The following RALGPS1 variants were observed in gnomAD, a reference collection of about 807,000 sequenced individuals.
The protein encoded by RALGPS1 is ras-specific guanine nucleotide-releasing factor RalGPS1.
Under a neutral mutation model 78.8 loss-of-function variants are expected in RALGPS1, and 19 were observed. The observed-to-expected ratio is 0.24, with a 90% CI of 0.17 to 0.35. The LOEUF (loss-of-function observed/expected upper bound fraction) is 0.35. Among genes scored for constraint, RALGPS1 ranks in the 10% least tolerant of loss-of-function variants. The probability of loss-of-function intolerance (pLI) is 1.00; values close to 1 mark genes in which losing one functional copy is unlikely to be tolerated. For synonymous variants in RALGPS1, 228 were observed against 256.3 expected (o/e 0.89, Z 1.06); for missense variants, 454 against 688.3 (o/e 0.66, Z 3.81).
chr9:126,997,366 A>G (rs1467770769), intron 4 of RALGPS1, among the ~76,000 whole-genome samples: 1 of 152,214 alleles, frequency 6.6e-6, no homozygotes, highest in South Asian at 2.1e-4. Flanking sequence ...AATCACAAGC[A>G]TTCTTACACA....
chr9:127,201,025 A>G (rs560645900), intron 14 of RALGPS1, among the ~76,000 whole-genome samples: 1 of 152,322 alleles, frequency 6.6e-6, no homozygotes, highest in South Asian at 2.1e-4. Flanking sequence ...GGTGTAGCAG[A>G]TATAGTTCCT....
At chr9:127,146,227 C>G (rs1434453483) in intron 8 of RALGPS1, among the ~76,000 whole-genome samples, 1 of 152,166 alleles carries the variant, frequency 6.6e-6, no homozygotes, top group Non-Finnish European at 1.5e-5. Flanking sequence ...CCCCTCCTCC[C>G]TCCTGCCTCT....
intron 14 of RALGPS1, among the ~76,000 whole-genome samples, chr9:127,201,279 C>A (rs111854666): frequency 7.9e-5 from 12 of 152,352 alleles, no homozygotes; most frequent in Admixed American, 7.2e-4. Flanking sequence ...TTGAAACATC[C>A]CTGCAGGGAG....
intron 8 of RALGPS1, among the ~76,000 whole-genome samples, chr9:127,133,375 G>C (rs1432344007): frequency 6.6e-6 from 1 of 152,270 alleles, no homozygotes; most frequent in Admixed American, 6.5e-5. Flanking sequence ...CCTTGGAAGC[G>C]CAGCTCAGTC....
chr9:127,182,430 CT>C (rs2060326128), intron 11 of RALGPS1, among the ~76,000 whole-genome samples: 1 of 129,792 alleles, frequency 7.7e-6, no homozygotes, highest in African/African-American at 3.1e-5. Context: ...CCCTTCCTTC[CT>C]TCCTTTTTTT....
chr9:126,961,623 C>T (rs191526377), intron 1 of RALGPS1, among the ~76,000 whole-genome samples: 59 of 152,232 alleles, frequency 3.9e-4, no homozygotes, highest in Non-Finnish European at 6.5e-4. Flanking sequence ...GGCAACATAG[C>T]AAGACCCCAC....
intron 8 of RALGPS1, among the ~76,000 whole-genome samples, chr9:127,142,038 G>C (rs1038640460): frequency 6.6e-6 from 1 of 152,170 alleles, no homozygotes; most frequent in Non-Finnish European, 1.5e-5. Context: ...TAGGTCTGTT[G>C]ATAATGACAG....
At chr9:127,043,281 T>TG (rs2047472882) in intron 5 of RALGPS1, among the ~76,000 whole-genome samples, 1 of 152,184 alleles carries the variant, frequency 6.6e-6, no homozygotes, top group Non-Finnish European at 1.5e-5. Flanking sequence ...CATAGGTCGA[T>TG]GGAGCTGATA....
intron 4 of RALGPS1, among the ~76,000 whole-genome samples, chr9:126,980,208 A>ACCCCAG (rs2132763191): frequency 6.6e-6 from 1 of 152,328 alleles, no homozygotes; most frequent in Admixed American, 6.5e-5. Context: ...GATGCCTGCC[A>ACCCCAG]TGTTGTGGCT....
chr9:127,123,129 G>C (rs1442581504), intron 8 of RALGPS1, among the ~76,000 whole-genome samples: 1 of 152,232 alleles, frequency 6.6e-6, no homozygotes, highest in African/African-American at 2.4e-5. Flanking sequence ...GCTCAGCCCA[G>C]AGCGCCTCTC....
chr9:127,169,569 G>A (rs1588298609), intron 10 of RALGPS1, among the ~76,000 whole-genome samples: 1 of 151,994 alleles, frequency 6.6e-6, no homozygotes, highest in African/African-American at 2.4e-5. Flanking sequence ...ATATGACCTG[G>A]TATTAAGGCA....
At chr9:127,174,566 C>T (rs1290216301) in intron 10 of RALGPS1, 149 bp from the exon 11 acceptor site, 5 of 717,340 alleles carry the variant, frequency 7.0e-6, no homozygotes, top group African/African-American at 3.5e-5. Flanking sequence ...TGGAAACCCC[C>T]GGAGACCTCA....
intron 14 of RALGPS1, among the ~76,000 whole-genome samples, chr9:127,206,968 A>G (rs1490845277): frequency 6.6e-6 from 1 of 152,082 alleles, no homozygotes; most frequent in Admixed American, 6.6e-5. Context: ...CTACGTCTCC[A>G]AGCATCAGGT....
At chr9:126,999,657 G>A (rs1419938968) in intron 4 of RALGPS1, among the ~76,000 whole-genome samples, 2 of 152,050 alleles carry the variant, frequency 1.3e-5, no homozygotes, top group Admixed American at 1.3e-4. Flanking sequence ...TGGCTTGATA[G>A]CTCATTTCTT....
intron 8 of RALGPS1, among the ~76,000 whole-genome samples, chr9:127,112,338 G>A (rs545380779): frequency 2.0e-4 from 31 of 152,282 alleles, no homozygotes; most frequent in African/African-American, 6.3e-4. Flanking sequence ...GGGAGGAGCC[G>A]CCCCCGACCC....
chr9:126,980,370 TCAA>T (rs2132769132), intron 4 of RALGPS1, among the ~76,000 whole-genome samples: 1 of 152,316 alleles, frequency 6.6e-6, no homozygotes, highest in South Asian at 2.1e-4. Context: ...TGGCTGTGTT[TCAA>T]CCCTGGCTGT....
intron 5 of RALGPS1, among the ~76,000 whole-genome samples, chr9:127,036,556 A>G (rs1389738373): frequency 2.0e-5 from 3 of 152,190 alleles, no homozygotes; most frequent in Non-Finnish European, 4.4e-5. Context: ...AGAAAAGAGA[A>G]ATGTGAAGAT....
At chr9:127,002,583 C>G (rs1203545857) in intron 4 of RALGPS1, among the ~76,000 whole-genome samples, 8 of 141,626 alleles carry the variant, frequency 5.6e-5, no homozygotes, top group African/African-American at 2.1e-4. Context: ...TCTCCCAATG[C>G]TATCCCTCCC....
chr9:127,144,225 A>T (rs1022950736), intron 8 of RALGPS1, among the ~76,000 whole-genome samples: 13 of 152,148 alleles, frequency 8.5e-5, no homozygotes, highest in African/African-American at 3.1e-4. Context: ...TTGACCCATC[A>T]GGTGACCGCT....
Sources: gnomAD v4.1 joint callset for allele counts (sites outside exome capture counted in the v4.1 genomes callset) on GRCh38, gnomAD v4.1.1 for gene constraint, MANE v1.5 for transcripts, NCBI Gene and HGNC (gene_info 2026-07-23, HGNC 2026-07-21) for gene names.